The following MAD1L1 variants were observed in gnomAD, a reference collection of about 807,000 sequenced individuals.
MAD1L1 encodes the protein mitotic spindle assembly checkpoint protein MAD1.
MAD1L1 carries 95 observed loss-of-function variants against 96.9 expected under a neutral mutation model. The ratio of observed to expected loss-of-function variants is 0.98; its 90% CI spans 0.83 to 1.16. MAD1L1 has a LOEUF of 1.16. Ranked by LOEUF, MAD1L1 falls within the 50% of genes most tolerant of loss-of-function variation. The pLI, the probability that MAD1L1 is intolerant of heterozygous loss-of-function variation, is 0.00. For synonymous variants in MAD1L1, 473 were observed against 396.6 expected (o/e 1.19, Z -2.29); for missense variants, 1,007 against 954.4 (o/e 1.06, Z -0.73).
At position 2,181,199 on chromosome 7, in the gene MAD1L1, G is replaced by A. The variant is rs531118795; in HGVS notation, c.987-31961C>T. ...ATTGATTGCTTTCTCCACCATGTATGAATTATACTTTCTTGCTTCTTGCAT... is the reference window on the plus strand; with the variant it reads ...ATTGATTGCTTTCTCCACCATGTATAAATTATACTTTCTTGCTTCTTGCAT... On this transcript the variant is annotated intron_variant, in intron 10 of 18. Transcript: ENST00000265854. 3.3e-5 allele frequency among the ~76,000 whole-genome samples: 5 copies of A among 152,336 alleles called. No individual in the cohort carries two copies. The East Asian group carries it at 9.6e-4, about 29-fold the overall frequency.
chr7:2,003,692 G>T (rs892232234), intron 13 of MAD1L1, among the ~76,000 whole-genome samples: 1 of 152,180 alleles, frequency 6.6e-6, no homozygotes, highest in African/African-American at 2.4e-5. Flanking sequence ...TGGATGAGGG[G>T]AAGGCCTTGA....
At chr7:2,004,557 C>A (rs528242861) in intron 13 of MAD1L1, among the ~76,000 whole-genome samples, 3 of 152,344 alleles carry the variant, frequency 2.0e-5, no homozygotes, top group South Asian at 2.1e-4. Flanking sequence ...GGACCAACCA[C>A]GCTCTCCTGT....
At chr7:2,001,549 A>G (rs900218780) in intron 14 of MAD1L1, among the ~76,000 whole-genome samples, 16 of 152,226 alleles carry the variant, frequency 1.1e-4, no homozygotes, top group African/African-American at 3.9e-4. Flanking sequence ...GCTGAGGAGA[A>G]AACAGCTTAA....
chr7:1,832,637 G>GC (rs1554266525), intron 18 of MAD1L1, among the ~76,000 whole-genome samples: 1 of 35,054 alleles, frequency 2.9e-5, no homozygotes, highest in East Asian at 8.8e-4. Context: ...TTTTGGCGGG[G>GC]GGGGGGGGGG....
At chr7:2,153,482 AACCACAATGAGAT>A (rs1276774853) in intron 10 of MAD1L1, among the ~76,000 whole-genome samples, 1 of 152,252 alleles carries the variant, frequency 6.6e-6, no homozygotes, top group Non-Finnish European at 1.5e-5. Flanking sequence ...TGCAAATCAA[AACCACAATGAGAT>A]ACCACCTTAC....
intron 14 of MAD1L1, among the ~76,000 whole-genome samples, chr7:1,998,010 G>C (rs1354220397): frequency 2.0e-5 from 3 of 152,102 alleles, no homozygotes; most frequent in African/African-American, 7.2e-5. Flanking sequence ...CTGCAGCTTG[G>C]GGCCCAGGCA....
At chr7:1,986,165 G>A (rs569087188) in intron 14 of MAD1L1, among the ~76,000 whole-genome samples, 7 of 152,298 alleles carry the variant, frequency 4.6e-5, no homozygotes, top group African/African-American at 1.4e-4. Flanking sequence ...GTTTTGCTGC[G>A]AGTCCAATCA....
At chr7:1,994,389 G>A (rs780468447) in intron 14 of MAD1L1, among the ~76,000 whole-genome samples, 5 of 152,228 alleles carry the variant, frequency 3.3e-5, no homozygotes, top group Non-Finnish European at 7.3e-5. Context: ...ATCCTCAGAG[G>A]GGGAGCAGCA....
At chr7:1,871,274 C>T (rs1421424917) in intron 18 of MAD1L1, among the ~76,000 whole-genome samples, 1 of 141,476 alleles carries the variant, frequency 7.1e-6, no homozygotes, top group African/African-American at 2.7e-5. Context: ...GCCTGCCACG[C>T]TGAACCCATT....
chr7:1,874,838 G>A (rs1785296737), intron 18 of MAD1L1, among the ~76,000 whole-genome samples: 1 of 152,044 alleles, frequency 6.6e-6, no homozygotes, highest in African/African-American at 2.4e-5. Flanking sequence ...AGGGAGGAGG[G>A]GAAGGCAGGG....
intron 12 of MAD1L1, among the ~76,000 whole-genome samples, chr7:2,033,874 G>A (rs1436318366): frequency 6.6e-6 from 1 of 152,244 alleles, no homozygotes; most frequent in Non-Finnish European, 1.5e-5. Context: ...AGAGGCCGAG[G>A]CAGGAGAATC....
chr7:2,127,486 G>T (rs1246760884), intron 11 of MAD1L1, among the ~76,000 whole-genome samples: 1 of 152,210 alleles, frequency 6.6e-6, no homozygotes, highest in Non-Finnish European at 1.5e-5. Context: ...CGGAGGAGCA[G>T]CTGCACACGG....
At chr7:1,955,109 C>T (rs997285423) in intron 16 of MAD1L1, among the ~76,000 whole-genome samples, 1 of 152,250 alleles carries the variant, frequency 6.6e-6, no homozygotes, top group African/African-American at 2.4e-5. Context: ...ATTCTCTTTC[C>T]TCGCCAACCA....
At chr7:1,924,821 G>T (rs1204909223) in intron 17 of MAD1L1, among the ~76,000 whole-genome samples, 1 of 152,138 alleles carries the variant, frequency 6.6e-6, no homozygotes, top group Non-Finnish European at 1.5e-5. Flanking sequence ...AACATAAAGG[G>T]AGGCAGGGAG....
chr7:2,152,015 G>C (rs760187168), intron 10 of MAD1L1, among the ~76,000 whole-genome samples: 1 of 140,522 alleles, frequency 7.1e-6, no homozygotes, highest in Non-Finnish European at 1.5e-5. Flanking sequence ...GCAGGAGGCT[G>C]CTTCCGGGTG....
intron 12 of MAD1L1, among the ~76,000 whole-genome samples, chr7:2,038,387 C>T (rs1242099731): frequency 6.6e-6 from 1 of 151,508 alleles, no homozygotes; most frequent in Non-Finnish European, 1.5e-5. Context: ...AAACAGCCTT[C>T]TGCTGGAAGA....
chr7:2,180,892 T>G (rs1300878267), intron 10 of MAD1L1, among the ~76,000 whole-genome samples: 1 of 152,176 alleles, frequency 6.6e-6, no homozygotes, highest in East Asian at 1.9e-4. Context: ...CTATTTCCTC[T>G]CCTTGCATAA....
At chr7:2,189,158 C>CA (rs908594766) in intron 10 of MAD1L1, among the ~76,000 whole-genome samples, 47 of 149,160 alleles carry the variant, frequency 3.2e-4, no homozygotes, top group African/African-American at 8.8e-4. Context: ...TGGCTACCAC[C>CA]AAAAAAAAAA....
chr7:2,038,632 C>T (rs776500038), intron 12 of MAD1L1, among the ~76,000 whole-genome samples: 1 of 151,362 alleles, frequency 6.6e-6, no homozygotes. Flanking sequence ...CCTGCCTCAG[C>T]CTCCCAAGTA....
Sources: allele counts gnomAD v4.1 joint callset (sites outside exome capture counted in the v4.1 genomes callset), GRCh38; gene constraint gnomAD v4.1.1; transcripts MANE v1.5; gene names NCBI Gene and HGNC (gene_info 2026-07-23, HGNC 2026-07-21).